Variants in CAST observed in about 807,000 individuals in gnomAD.
The protein encoded by CAST is MIR583 host.
In CAST, 76 loss-of-function variants were observed where a neutral mutation model predicts 119.6. The ratio of observed to expected loss-of-function variants is 0.64; its 90% CI spans 0.53 to 0.77. The LOEUF is 0.77. CAST is among the 30% of genes least tolerant of loss of function. CAST has a pLI of 0.00. For synonymous variants in CAST, 319 were observed against 331.6 expected (o/e 0.96, Z 0.41); for missense variants, 953 against 946.5 (o/e 1.01, Z -0.09).
chr5:96,068,509 A>G, the CAST span, among the ~76,000 whole-genome samples: 1 of 151,696 alleles, frequency 6.6e-6, no homozygotes, highest in Admixed American at 6.6e-5. Flanking sequence ...GTTACTAAAC[A>G]TCTGATATGG....
rs140665192 is a variant in CAST, at chr5:96,588,196, C to CTTTTTTTTTTTTTT, written c.60+58327_60+58340dup. Among the ~76,000 whole-genome samples, 39 of 75,840 alleles carry CTTTTTTTTTTTTTT rather than the reference C, an allele frequency of 5.1e-4. 1 individual carries two copies. Among genetic ancestry groups the CTTTTTTTTTTTTTT allele is most frequent in the African/African-American group, 1.1e-3 (18 of 16,026 alleles). 49.8% of individuals were successfully genotyped at this position (75,840 alleles called of 152,430 possible). On this transcript the variant is annotated intron_variant, in intron 1 of 11. Coordinates refer to the CAST transcript ENST00000505143. Reference sequence around the variant, plus strand: ...TATTATTTTCTTTCTTTCTTTCTTTCTTTTTTTTTTTTTTTTTTTTTTTTG... The same window carrying CTTTTTTTTTTTTTT: ...TATTATTTTCTTTCTTTCTTTCTTTCTTTTTTTTTTTTTTTTTTTTTTTTTTTTTTTTTTTTTTG...
chr5:95,987,251 C>T, the CAST span, among the ~76,000 whole-genome samples: 81 of 152,272 alleles, frequency 5.3e-4, 1 homozygote, highest in East Asian at 6.2e-3. Context: ...TGGTTTCATA[C>T]TTTGATCTGT....
chr5:96,763,030 A>G (rs1216447573), intron 25 of CAST: 3 of 715,116 alleles, frequency 4.2e-6, no homozygotes, highest in South Asian at 1.4e-5. Flanking sequence ...CAGCACATCA[A>G]ATTATAAAGG....
chr5:96,508,068 C>T, the CAST span, among the ~76,000 whole-genome samples: 6 of 150,720 alleles, frequency 4.0e-5, no homozygotes, highest in African/African-American at 1.5e-4. Flanking sequence ...GCTAAGTTGC[C>T]CAGGCTGGTC....
chr5:96,074,177 C>T, the CAST span, among the ~76,000 whole-genome samples: 1 of 133,748 alleles, frequency 7.5e-6, no homozygotes, highest in Non-Finnish European at 1.6e-5. Context: ...TATTGCTTCT[C>T]TAGACTTCTC....
the CAST span, among the ~76,000 whole-genome samples, chr5:96,109,674 A>G: frequency 6.6e-6 from 1 of 152,158 alleles, no homozygotes; most frequent in Non-Finnish European, 1.5e-5. Context: ...TGGCTTGAAG[A>G]TTGTATCTTC....
chr5:96,175,582 T>C, the CAST span, among the ~76,000 whole-genome samples: 6 of 152,214 alleles, frequency 3.9e-5, no homozygotes, highest in Non-Finnish European at 7.3e-5. Flanking sequence ...CAATGGGCTA[T>C]AAATTAATTG....
At chr5:96,093,320 A>T in the CAST span, among the ~76,000 whole-genome samples, 1 of 152,210 alleles carries the variant, frequency 6.6e-6, no homozygotes, top group African/African-American at 2.4e-5. Context: ...GAAAATGTTT[A>T]TTGAGCAGTG....
At chr5:96,304,375 A>G in the CAST span, among the ~76,000 whole-genome samples, 1 of 152,224 alleles carries the variant, frequency 6.6e-6, no homozygotes, top group African/African-American at 2.4e-5. Context: ...ACAGATTACA[A>G]AAATTTTCTC....
the CAST span, among the ~76,000 whole-genome samples, chr5:96,010,495 A>G: frequency 7.9e-3 from 1,200 of 152,216 alleles, 16 homozygotes; most frequent in African/African-American, 0.028. Context: ...TATTTTTGGT[A>G]GAGGTGGGGT....
chr5:96,643,005 T>G (rs1012187096), intron 1 of CAST, among the ~76,000 whole-genome samples: 1 of 138,420 alleles, frequency 7.2e-6, no homozygotes, highest in African/African-American at 2.7e-5. Context: ...AGAGGTTGAG[T>G]AATTTGCTGC....
intron 1 of CAST, among the ~76,000 whole-genome samples, chr5:96,541,270 C>G (rs1745907555): frequency 1.3e-5 from 2 of 152,118 alleles, no homozygotes; most frequent in South Asian, 4.1e-4. Context: ...GCTTTGGCTA[C>G]TAAGAGTTCT....
chr5:96,023,537 CT>C, the CAST span, among the ~76,000 whole-genome samples: 108 of 152,274 alleles, frequency 7.1e-4, 1 homozygote, highest in African/African-American at 2.0e-3. Context: ...CCGGATCTCT[CT>C]TGCTTTCAGA....
At chr5:96,385,052 G>A in the CAST span, among the ~76,000 whole-genome samples, 1 of 152,170 alleles carries the variant, frequency 6.6e-6, no homozygotes, top group Non-Finnish European at 1.5e-5. Context: ...AAGAAATGGG[G>A]AGACAAATAG....
intron 1 of CAST, among the ~76,000 whole-genome samples, chr5:96,607,182 A>G (rs371294137): frequency 9.4e-4 from 143 of 152,144 alleles, no homozygotes; most frequent in African/African-American, 3.3e-3. Context: ...CAGCTACTCG[A>G]GAGGCTGAGG....
chr5:96,102,632 G>A, the CAST span, among the ~76,000 whole-genome samples: 3 of 151,962 alleles, frequency 2.0e-5, no homozygotes, highest in Non-Finnish European at 4.4e-5. Context: ...CTCTGCCTCC[G>A]GCCTCTATCA....
At chr5:96,079,146 C>T in the CAST span, 6 of 475,770 alleles carry the variant, frequency 1.3e-5, no homozygotes, top group Non-Finnish European at 2.6e-5. Flanking sequence ...ACAACTCACA[C>T]ATTAACCAAA....
the CAST span, among the ~76,000 whole-genome samples, chr5:96,395,632 G>T: frequency 0.017 from 2,564 of 152,180 alleles, 79 homozygotes; most frequent in African/African-American, 0.058. Flanking sequence ...TCACACAATG[G>T]GCCTGTCAGG....
chr5:96,292,240 A>G, the CAST span, among the ~76,000 whole-genome samples: 1 of 152,204 alleles, frequency 6.6e-6, no homozygotes, highest in Non-Finnish European at 1.5e-5. Flanking sequence ...ATGAAATTTA[A>G]ACAGAGCTTC....
Sources: allele counts gnomAD v4.1 joint callset (sites outside exome capture counted in the v4.1 genomes callset), GRCh38; gene constraint gnomAD v4.1.1; transcripts MANE v1.5; gene names NCBI Gene and HGNC (gene_info 2026-07-23, HGNC 2026-07-21).